The following HELZ variants were observed in gnomAD, a reference collection of about 807,000 sequenced individuals.
HELZ encodes ATP-dependent RNA helicase with zinc finger domain.
HELZ carries 23 observed loss-of-function variants against 218.2 expected under a neutral mutation model. The observed-to-expected ratio is 0.11, with a 90% CI of 0.08 to 0.15. The LOEUF (loss-of-function observed/expected upper bound fraction) is 0.15, where lower values mean the gene tolerates loss of function less well. Ranked by LOEUF, HELZ falls within the 10% of genes least tolerant of loss-of-function variation. HELZ has a pLI of 1.00. For missense variants in HELZ, 1,813 were observed against 2,353.7 expected, an observed-to-expected ratio of 0.77 and a Z score of 4.75; for synonymous variants, 814 against 829.4, an observed-to-expected ratio of 0.98 and a Z score of 0.32.
Position 67,166,404 on chromosome 17 carries a change from CTTGAG to C in HELZ, c.1895+69_1895+73del, listed in dbSNP as rs1321239295. ...AGGCAAACTTTCTTATAAAAGTATG[CTTGAG>C]TTATTTGATACAGATATTCAATTTA... On this transcript the variant is annotated intron_variant, in intron 15 of 32. Coordinates refer to ENST00000358691, the MANE Select transcript of HELZ (RefSeq NM_014877.4). 7 of 1,286,878 alleles carry C rather than the reference CTTGAG, an allele frequency of 5.4e-6. No homozygotes were observed. In the African/African-American group the frequency reaches 5.9e-5, roughly 11 times the overall value. 79.7% of individuals were successfully genotyped at this position (1,286,878 alleles called of 1,614,324 possible).
chr17:67,160,536 G>A (rs2038965702), intron 16 of HELZ, among the ~76,000 whole-genome samples, 174 bp from the exon 17 acceptor site: 3 of 151,804 alleles, frequency 2.0e-5, no homozygotes, highest in South Asian at 4.1e-4. Context: ...TACTCTTTAA[G>A]TTAAAAAGGA....
At chr17:67,119,187 G>T (rs1221111928) in intron 27 of HELZ, among the ~76,000 whole-genome samples, 1 of 152,056 alleles carries the variant, frequency 6.6e-6, no homozygotes, top group Admixed American at 6.5e-5. Context: ...ATAAAAACAT[G>T]TTCACATGTA....
chr17:67,142,447 G>A (rs2038356105), intron 21 of HELZ, among the ~76,000 whole-genome samples: 1 of 152,148 alleles, frequency 6.6e-6, no homozygotes, highest in Non-Finnish European at 1.5e-5. Context: ...GCTCACGGCT[G>A]CAGTGAGCCA....
At chr17:67,109,922 C>T (rs139313331) in intron 28 of HELZ, among the ~76,000 whole-genome samples, 1,663 of 152,124 alleles carry the variant, frequency 0.011, 20 homozygotes, top group South Asian at 0.018. Flanking sequence ...AAAGATACTG[C>T]CATTTTATTA....
rs138337904 is a variant in HELZ at position 67,148,803 on chromosome 17, C to T, written c.2476-89G>A. 248 of 1,226,492 alleles carry T rather than the reference C, an allele frequency of 2.0e-4. 1 individual carries two copies. In the African/African-American group the frequency reaches 3.6e-3, roughly 18 times the overall value. The allele number at this position is 1,226,492 out of a possible 1,614,324, so 76.0% of individuals were successfully genotyped here. ...TTATAAAAAATCCACTATGCTAAAA[C>T]TTCTTATATACAAAACTTCAACATG... On this transcript the variant is annotated intron_variant, in intron 19 of 32. Coordinates refer to ENST00000358691, the MANE Select transcript of HELZ (RefSeq NM_014877.4).
rs777752700 is a variant in HELZ at position 67,136,110 on chromosome 17, T to C, written c.3042A>G (p.Gln1014=). 4 of 1,613,954 alleles carry C rather than the reference T, an allele frequency of 2.5e-6. No individual in the cohort carries two copies. The highest frequency in any genetic ancestry group is 2.5e-6 in the Non-Finnish European group (3 of 1,179,870). ...HKQTPIKKKE[Q]LLEDSTEDLD... is the part of the protein sequence containing the mutation. The stretch of plus-strand genomic sequence containing the variant: ...AGTCCTCTGTGGAATCTTCCAGAAG[T>C]TGCTCTTTCTTTTTAATTGGTGTCT... Residue 1014 remains glutamine (Q), a synonymous_variant, in exon 23 of 33, where the codon CAA becomes CAG. Transcript: ENST00000358691.
chr17:67,136,738 G>C (rs1316523159), intron 22 of HELZ, among the ~76,000 whole-genome samples: 3 of 152,160 alleles, frequency 2.0e-5, no homozygotes, highest in African/African-American at 4.8e-5. Context: ...GAGGTAGCTA[G>C]AACAGTCAAA....
At position 67,124,001 on chromosome 17, in the gene HELZ, T is replaced by A; in HGVS notation, c.3401A>T (p.His1134Leu). ...QQSPPKGKSL[H>L]HTQNDHFQND... ...CTGGAAGTGATCATTCTGGGTATGA[T>A]GAAGACTTTTCCCCTTTAAAGAAAA... Residue 1134 changes from histidine (H) to leucine (L), a missense_variant, in exon 25 of 33, where the codon CAT (histidine) becomes CTT (leucine). His to Leu is a moderately conservative substitution (Grantham distance 99). Around this residue, in one of 4 missense-constraint regions of HELZ, gnomAD observed 938 missense variants for 1,027.5 expected, o/e 0.91. Coordinates refer to ENST00000358691, the MANE Select transcript of HELZ (RefSeq NM_014877.4). The A allele has an allele frequency of 1.1e-5, 17 of 1,603,162 alleles. No individual in the cohort carries two copies. The highest frequency in any genetic ancestry group is 1.5e-5 in the Non-Finnish European group (17 of 1,170,936).
At chr17:67,151,311 G>T in intron 17 of HELZ, 87 bp from the exon 18 acceptor site, 2 of 1,073,782 alleles carry the variant, frequency 1.9e-6, no homozygotes, top group Non-Finnish European at 1.4e-6. Context: ...GTTATTTTAA[G>T]ATGGTAATAT....
intron 31 of HELZ, among the ~76,000 whole-genome samples, chr17:67,094,404 AG>A (rs1302572251): frequency 6.6e-6 from 1 of 151,772 alleles, no homozygotes; most frequent in Non-Finnish European, 1.5e-5. Flanking sequence ...AGAGAGAGAG[AG>A]AGATACAGAC....
At chr17:67,135,836 G>C (rs1388208993) in intron 23 of HELZ, 134 bp downstream of exon 23, 1 of 660,410 alleles carries the variant, frequency 1.5e-6, no homozygotes, top group East Asian at 2.7e-5. Flanking sequence ...ATATGCTTTT[G>C]TGTTCCCACT....
chr17:67,184,820 C>CAAAT (rs3048665), intron 12 of HELZ, among the ~76,000 whole-genome samples: 3,457 of 150,052 alleles, frequency 0.023, 63 homozygotes, highest in South Asian at 0.037. Flanking sequence ...TGTCTCTAAA[C>CAAAT]AAATAAATAA....
chr17:67,225,219 C>G (rs901446230), intron 3 of HELZ: 6 of 293,488 alleles, frequency 2.0e-5, no homozygotes, highest in African/African-American at 1.3e-4. Context: ...TGTACGTAAT[C>G]TAATTTAATC....
At position 67,108,319 on chromosome 17, in the gene HELZ, A is replaced by G; in HGVS notation, c.4724+173T>C. On this transcript the variant is annotated intron_variant, in intron 30 of 32. Transcript: ENST00000358691. This position sits in a 1 kb window ranked among gnomAD's most constrained non-coding sequence, Gnocchi z 4.1. ...AAATTTGTAGAAGAGTTACTTCTAA[A>G]TGAGTTTTCTGTATTTTAGAGTCAA... The G allele has an allele frequency of 1.7e-6, 1 of 580,850 alleles. No individual in the cohort carries two copies. The highest frequency in any genetic ancestry group is 3.1e-6 in the Non-Finnish European group (1 of 326,600). 36.0% of individuals were successfully genotyped at this position (580,850 alleles called of 1,614,324 possible). A position where few individuals can be genotyped will look rare whatever the true frequency, so the allele number is the denominator to read the frequency against.
chr17:67,186,191 A>C (rs1456635548), intron 12 of HELZ, among the ~76,000 whole-genome samples: 5 of 152,080 alleles, frequency 3.3e-5, no homozygotes, highest in East Asian at 3.9e-4. Context: ...CTCTTTTCCT[A>C]CTTTCTTCCT....
intron 3 of HELZ, among the ~76,000 whole-genome samples, chr17:67,223,758 A>G (rs1404623983): frequency 6.6e-6 from 1 of 152,212 alleles, no homozygotes; most frequent in Non-Finnish European, 1.5e-5. Context: ...TCTCAAAGAA[A>G]AAAAAAATAT....
intron 32 of HELZ, among the ~76,000 whole-genome samples, chr17:67,085,907 G>C (rs2036356524): frequency 6.6e-6 from 1 of 152,186 alleles, no homozygotes; most frequent in Admixed American, 6.5e-5. Flanking sequence ...CAAGTTTAGA[G>C]TGTCTTATCC....
intron 28 of HELZ, among the ~76,000 whole-genome samples, chr17:67,113,138 C>T (rs1263232971): frequency 6.6e-6 from 1 of 152,126 alleles, no homozygotes; most frequent in African/African-American, 2.4e-5. Context: ...AAGCAATTTG[C>T]TTACTTTAGG....
At chr17:67,166,699 G>T in intron 14 of HELZ, 91 bp from the exon 15 acceptor site, 1 of 1,063,718 alleles carries the variant, frequency 9.4e-7, no homozygotes, top group South Asian at 1.4e-5. Flanking sequence ...AATCTGTTTG[G>T]GACAGTAAGT....
Sources: allele counts gnomAD v4.1 joint callset (sites outside exome capture counted in the v4.1 genomes callset), GRCh38; gene constraint gnomAD v4.1.1; regional missense constraint gnomAD v4.1.1; non-coding constraint Gnocchi (gnomAD v3.1); transcripts MANE v1.5; gene names NCBI Gene and HGNC (gene_info 2026-07-23, HGNC 2026-07-21).